The following N4BP2L1 variants were observed in gnomAD, a reference collection of about 807,000 sequenced individuals.
N4BP2L1 encodes NEDD4-binding protein 2-like 1.
A neutral mutation model predicts 21.2 loss-of-function variants in N4BP2L1; 12 were observed. The observed-to-expected ratio is 0.57, with a 90% confidence interval of 0.36 to 0.92. The LOEUF (loss-of-function observed/expected upper bound fraction) is 0.92, where lower values mean the gene tolerates loss of function less well. N4BP2L1 is among the 40% of genes least tolerant of loss of function. N4BP2L1 has a pLI of 0.01. For missense variants in N4BP2L1, 259 were observed against 310.6 expected (o/e 0.83, Z 1.25); for synonymous variants, 104 against 112.8 (o/e 0.92, Z 0.49).
intron 3 of N4BP2L1, among the ~76,000 whole-genome samples, chr13:32,406,058 A>G (rs529749483): frequency 3.0e-4 from 45 of 148,178 alleles, no homozygotes; most frequent in African/African-American, 1.1e-3. Context: ...GCCTGCCACC[A>G]CGCCCGGCTA....
At chr13:32,419,966 CCT>C in intron 1 of N4BP2L1, among the ~76,000 whole-genome samples, 1 of 152,302 alleles carries the variant, frequency 6.6e-6, no homozygotes, top group Admixed American at 6.5e-5. Flanking sequence ...GGCAGCCTCC[CCT>C]GAGGCCAGGT....
chr13:32,420,990 C>T (rs2074444907), intron 1 of N4BP2L1, among the ~76,000 whole-genome samples: 1 of 152,244 alleles, frequency 6.6e-6, no homozygotes, highest in African/African-American at 2.4e-5. Context: ...GCCACCATGC[C>T]CAGCCTCATT....
At position 32,401,009 on chromosome 13, in the gene N4BP2L1, C is replaced by T. The variant is rs1331775080; in HGVS notation, c.*1933G>A. On this transcript the variant is annotated 3_prime_UTR_variant, in exon 5 of 5. Coordinates refer to ENST00000380130, the MANE Select transcript of N4BP2L1 (RefSeq NM_052818.3). The stretch of plus-strand genomic sequence containing the variant: ...ACATTAAATAGGCCAGGAAACTATT[C>T]TTTAGAGCTCTAGAAAAGTTATGTA... The T allele has an allele frequency of 6.6e-6, 1 of 152,146 alleles. No homozygotes were observed. Among genetic ancestry groups the T allele is most frequent in the Non-Finnish European group, 1.5e-5 (1 of 68,018 alleles). 9.4% of individuals were successfully genotyped at this position (152,146 alleles called of 1,614,324 possible). A position where few individuals can be genotyped will look rare whatever the true frequency, so the allele number is the denominator to read the frequency against.
At chr13:32,412,066 G>C (rs530841622) in intron 1 of N4BP2L1, among the ~76,000 whole-genome samples, 2 of 151,864 alleles carry the variant, frequency 1.3e-5, no homozygotes. Context: ...GTTGGTGTGC[G>C]TGCAACAGGG....
In N4BP2L1 at chr13:32,419,412, A is replaced by ATTTTTTTTTTTTTTTTTTT. The variant is rs71071039; in HGVS notation, c.179+8473_179+8491dup. 4.1e-4 allele frequency: 117 copies of ATTTTTTTTTTTTTTTTTTT among 284,712 alleles called. 8 individuals are homozygous for ATTTTTTTTTTTTTTTTTTT. Among genetic ancestry groups the ATTTTTTTTTTTTTTTTTTT allele is most frequent in the Non-Finnish European group, 5.3e-4 (84 of 158,730 alleles). The allele number at this position is 284,712 out of a possible 1,614,324, so 17.6% of individuals were successfully genotyped here. The stretch of plus-strand genomic sequence containing the variant: ...GGGTGCTTGCCACCATGCTTGGCTA[A>ATTTTTTTTTTTTTTTTTTT]TTTTTTTTTTTTTTTTTTTTTTTTT... On this transcript the variant is annotated intron_variant, in intron 1 of 4. Coordinates refer to ENST00000380130, the MANE Select transcript of N4BP2L1 (RefSeq NM_052818.3).
At chr13:32,417,979 T>C (rs1200090453) in intron 1 of N4BP2L1, among the ~76,000 whole-genome samples, 2 of 151,998 alleles carry the variant, frequency 1.3e-5, no homozygotes, top group Admixed American at 6.5e-5. Context: ...GTTTGGAAAA[T>C]TTGCAGCCTG....
rs1470877377 is a variant in N4BP2L1 at position 32,402,759 on chromosome 13, A to G, written c.*183T>C. 1.4e-6 allele frequency: 2 copies of G among 1,385,378 alleles called. No individual in the cohort carries two copies. Among genetic ancestry groups the G allele is most frequent in the African/African-American group, 2.9e-5 (2 of 68,906 alleles). 85.8% of individuals were successfully genotyped at this position (1,385,378 alleles called of 1,614,324 possible). A position where few individuals can be genotyped will look rare whatever the true frequency, so the allele number is the denominator to read the frequency against. ...TCTGCAGAATTCCCAGCATCAGACCATGCATATAGAAGCACTTTAACAAAT... is the reference window on the plus strand; with the variant it reads ...TCTGCAGAATTCCCAGCATCAGACCGTGCATATAGAAGCACTTTAACAAAT... On this transcript the variant is annotated 3_prime_UTR_variant, in exon 5 of 5. Transcript: ENST00000380130.
chr13:32,424,250 C>G (rs1241249613), intron 1 of N4BP2L1, among the ~76,000 whole-genome samples: 1 of 152,254 alleles, frequency 6.6e-6, no homozygotes, highest in Non-Finnish European at 1.5e-5. Context: ...ACACCCAGCT[C>G]TCTGCCACCT....
At chr13:32,415,294 G>A (rs958074188) in intron 1 of N4BP2L1, among the ~76,000 whole-genome samples, 13 of 152,150 alleles carry the variant, frequency 8.5e-5, no homozygotes, top group Non-Finnish European at 1.8e-4. Flanking sequence ...TTTATAGTTG[G>A]GCACACTGCC....
intron 1 of N4BP2L1, among the ~76,000 whole-genome samples, chr13:32,408,261 C>G (rs1470147761): frequency 6.6e-6 from 1 of 152,158 alleles, no homozygotes; most frequent in Non-Finnish European, 1.5e-5. Flanking sequence ...TCTGTAAGGA[C>G]CCATCTGAGA....
At position 32,402,868 on chromosome 13, in the gene N4BP2L1, A is replaced by G. The variant is rs1278971668; in HGVS notation, c.*74T>C. On this transcript the variant is annotated 3_prime_UTR_variant, in exon 5 of 5. Transcript: ENST00000380130. ...ACACTGGAATTGGAGCTCTGACTAA[A>G]ATGCAACAAAAAATAACAAAAACTG... The G allele has an allele frequency of 1.3e-6, 2 of 1,505,884 alleles. No individual in the cohort carries two copies. The highest frequency in any genetic ancestry group is 2.8e-5 in the African/African-American group (2 of 71,610). The allele number at this position is 1,505,884 out of a possible 1,614,324, so 93.3% of individuals were successfully genotyped here. A position where few individuals can be genotyped will look rare whatever the true frequency, so the allele number is the denominator to read the frequency against.
intron 1 of N4BP2L1, 61 bp from the exon 2 acceptor site, chr13:32,407,833 A>G: frequency 1.3e-6 from 2 of 1,493,368 alleles, no homozygotes; most frequent in Non-Finnish European, 1.8e-6. Context: ...CTCAGTAGAA[A>G]TAATCTCCTT....
intron 1 of N4BP2L1, among the ~76,000 whole-genome samples, chr13:32,421,636 C>A (rs896631103): frequency 1.3e-5 from 2 of 152,090 alleles, no homozygotes; most frequent in African/African-American, 2.4e-5. Context: ...CAAAAAGGGC[C>A]GGGCAGACAG....
intron 1 of N4BP2L1, among the ~76,000 whole-genome samples, chr13:32,409,971 T>C (rs184384166): frequency 2.6e-3 from 389 of 152,294 alleles, no homozygotes; most frequent in Non-Finnish European, 4.5e-3. Flanking sequence ...ATCAAATACA[T>C]ACAAGGTCCA....
At chr13:32,422,614 G>A (rs1207386398) in intron 1 of N4BP2L1, among the ~76,000 whole-genome samples, 1 of 152,192 alleles carries the variant, frequency 6.6e-6, no homozygotes, top group Non-Finnish European at 1.5e-5. Flanking sequence ...CCAGGAATGT[G>A]TTTGTGGTGA....
intron 3 of N4BP2L1, 126 bp from the exon 4 acceptor site, chr13:32,404,523 C>T (rs1373404360): frequency 1.7e-5 from 11 of 657,430 alleles, no homozygotes; most frequent in Non-Finnish European, 2.9e-5. Flanking sequence ...TAATCCAATG[C>T]CTTAATTTAT....
chr13:32,412,117 C>T (rs1462576706), intron 1 of N4BP2L1, among the ~76,000 whole-genome samples: 1 of 151,946 alleles, frequency 6.6e-6, no homozygotes, highest in African/African-American at 2.4e-5. Flanking sequence ...TGCCATGTCC[C>T]TTAAGTCTCA....
intron 1 of N4BP2L1, among the ~76,000 whole-genome samples, chr13:32,424,518 T>C (rs1353002924): frequency 6.6e-6 from 1 of 152,224 alleles, no homozygotes; most frequent in Non-Finnish European, 1.5e-5. Flanking sequence ...CATATGCTTA[T>C]TTGGCATATG....
At chr13:32,404,904 G>A (rs2137731292) in intron 3 of N4BP2L1, among the ~76,000 whole-genome samples, 1 of 151,964 alleles carries the variant, frequency 6.6e-6, no homozygotes, top group East Asian at 1.9e-4. Flanking sequence ...TACAATTTGG[G>A]TCAATGCTCT....
Sources: allele counts gnomAD v4.1 joint callset (sites outside exome capture counted in the v4.1 genomes callset), GRCh38; gene constraint gnomAD v4.1.1; transcripts MANE v1.5; gene names NCBI Gene and HGNC (gene_info 2026-07-23, HGNC 2026-07-21).